The following AKAP6 variants were observed in gnomAD, a reference collection of about 807,000 sequenced individuals.
AKAP6 encodes the protein A-kinase anchor protein 6.
Under a neutral mutation model 188.5 loss-of-function variants are expected in AKAP6, and 58 were observed. The observed-to-expected ratio is 0.31, with a 90% confidence interval of 0.25 to 0.38. The LOEUF is 0.38. Among genes scored for constraint, AKAP6 ranks in the 10% least tolerant of loss-of-function variants. AKAP6 has a pLI of 1.00. For synonymous variants in AKAP6, 989 were observed against 998.6 expected, an observed-to-expected ratio of 0.99 and a Z score of 0.18; for missense variants, 2,710 against 2,740.0, an observed-to-expected ratio of 0.99 and a Z score of 0.24.
chr14:32,645,056 G>T (rs1887928789), intron 7 of AKAP6, among the ~76,000 whole-genome samples: 1 of 152,080 alleles, frequency 6.6e-6, no homozygotes, highest in South Asian at 2.1e-4. Flanking sequence ...TATAAAACAT[G>T]CATTAGTACA....
intron 7 of AKAP6, among the ~76,000 whole-genome samples, chr14:32,674,656 G>A (rs1889354243): frequency 1.3e-5 from 2 of 152,160 alleles, no homozygotes; most frequent in Admixed American, 6.5e-5. Context: ...GGGGGATGTG[G>A]TAAGGATGAG....
At chr14:32,529,093 C>T (rs1363861461) in intron 2 of AKAP6, among the ~76,000 whole-genome samples, 2 of 152,182 alleles carry the variant, frequency 1.3e-5, no homozygotes, top group Admixed American at 6.5e-5. Context: ...AATATTGAGT[C>T]TTCCTATCCA....
rs1425042157 is a variant in AKAP6, at chr14:32,836,202, AT to A, written c.*6398del. 6.6e-6 allele frequency: 1 copy of A among 152,084 alleles called. No homozygotes were observed. Among genetic ancestry groups the A allele is most frequent in the African/African-American group, 2.4e-5 (1 of 41,404 alleles). The allele number at this position is 152,084 out of a possible 1,614,324, so 9.4% of individuals were successfully genotyped here. ...CCAGACTGCTTGGACTGTGTTGTTT[AT>A]AAACAACAGAATTTACTGCTCAAAG... is the stretch of plus-strand genomic sequence containing the variant. On this transcript the variant is annotated 3_prime_UTR_variant, in exon 14 of 14. Coordinates refer to ENST00000280979, the MANE Select transcript of AKAP6 (RefSeq NM_004274.5).
At chr14:32,735,612 T>G (rs41285496) in intron 10 of AKAP6, 46 bp from the exon 11 acceptor site, 345 of 1,416,346 alleles carry the variant, frequency 2.4e-4, no homozygotes, top group Non-Finnish European at 2.9e-4. Context: ...TGGGGTTTTT[T>G]TTTGTTTGTT....
In AKAP6 at chr14:32,696,057, A is replaced by G. The variant is rs1020785727; in HGVS notation, c.2947A>G (p.Met983Val). ...DWLIDMESLV[M>V]DSHDLMMSEE... ...GCTGATTGACATGGAGTCCCTTGTG[A>G]TGGACAGCCACGACCTGATGATGTC... Residue 983 changes from methionine (M) to valine (V), a missense_variant, in exon 9 of 14, where the codon ATG becomes GTG. By Grantham distance (21) the Met-to-Val change is conservative (BLOSUM62 1). Coordinates refer to ENST00000280979, the MANE Select transcript of AKAP6 (RefSeq NM_004274.5). 4.3e-6 allele frequency: 7 copies of G among 1,612,944 alleles called. No individual in the cohort carries two copies. In the Admixed American group the frequency reaches 1.2e-4, roughly 27 times the overall value.
intron 1 of AKAP6, among the ~76,000 whole-genome samples, chr14:32,395,461 G>A (rs1384992271): frequency 6.6e-6 from 1 of 152,104 alleles, no homozygotes; most frequent in Non-Finnish European, 1.5e-5. Flanking sequence ...CCTCAGAAGA[G>A]GGCAGAATTA....
intron 1 of AKAP6, among the ~76,000 whole-genome samples, chr14:32,415,943 G>C (rs563232864): frequency 2.0e-5 from 3 of 152,264 alleles, no homozygotes; most frequent in Admixed American, 2.0e-4. Context: ...CCATTCATCT[G>C]TTGATGGATA....
intron 2 of AKAP6, among the ~76,000 whole-genome samples, chr14:32,476,069 G>A: frequency 6.6e-6 from 1 of 151,682 alleles, no homozygotes; most frequent in African/African-American, 2.4e-5. Context: ...TTATCTATTT[G>A]GTACCTTTAA....
chr14:32,799,703 G>A (rs955736042), intron 12 of AKAP6, among the ~76,000 whole-genome samples: 1 of 151,908 alleles, frequency 6.6e-6, no homozygotes, highest in Non-Finnish European at 1.5e-5. Context: ...TTTTAAATTT[G>A]TTAAGGTGTG....
intron 2 of AKAP6, among the ~76,000 whole-genome samples, chr14:32,460,524 A>G (rs1460046587): frequency 2.0e-5 from 3 of 152,224 alleles, no homozygotes; most frequent in African/African-American, 7.2e-5. Flanking sequence ...GCCTTGAGGG[A>G]CTGTGCTACC....
intron 2 of AKAP6, among the ~76,000 whole-genome samples, chr14:32,515,277 T>A (rs1289042787): frequency 6.6e-6 from 1 of 152,106 alleles, no homozygotes; most frequent in Non-Finnish European, 1.5e-5. Context: ...ACTGCCCCCA[T>A]GATTCAATGA....
chr14:32,600,194 G>A (rs558144611), intron 6 of AKAP6, among the ~76,000 whole-genome samples: 14 of 152,274 alleles, frequency 9.2e-5, no homozygotes, highest in Middle Eastern at 6.8e-3. Flanking sequence ...AAAGACTGCC[G>A]TCTTAATTCT....
Position 32,611,339 on chromosome 14 carries a change from A to G in AKAP6, c.2730+10547A>G, listed in dbSNP as rs372830352. Among the ~76,000 whole-genome samples the G allele has an allele frequency of 9.2e-5, 14 of 152,332 alleles. No individual in the cohort carries two copies. In the East Asian group the frequency reaches 2.3e-3, roughly 25 times the overall value. ...ATATCTAGGTGTGTAACCTGGGCAT[A>G]GATATTTTTGTAACCTCCCCAGGTG... On this transcript the variant is annotated intron_variant, in intron 7 of 13. Transcript: ENST00000280979.
intron 11 of AKAP6, among the ~76,000 whole-genome samples, chr14:32,764,571 T>C (rs1375174527): frequency 6.6e-6 from 1 of 152,194 alleles, no homozygotes; most frequent in Non-Finnish European, 1.5e-5. Flanking sequence ...TGAATCAGCT[T>C]TGGATTCAGG....
At chr14:32,596,631 C>T (rs1023445249) in intron 5 of AKAP6, among the ~76,000 whole-genome samples, 5 of 152,150 alleles carry the variant, frequency 3.3e-5, no homozygotes, top group South Asian at 2.1e-4. Flanking sequence ...GACCATGGTA[C>T]GTGCCTATGG....
At chr14:32,656,479 G>A (rs1275134874) in intron 7 of AKAP6, among the ~76,000 whole-genome samples, 1 of 152,118 alleles carries the variant, frequency 6.6e-6, no homozygotes, top group Non-Finnish European at 1.5e-5. Flanking sequence ...ACCTGGGAGT[G>A]CCAGCCAAAA....
Position 32,773,855 on chromosome 14 carries a change from T to C in AKAP6, c.3550T>C (p.Trp1184Arg). 6.2e-7 allele frequency: 1 copy of C among 1,614,118 alleles called. No individual in the cohort carries two copies. The highest frequency in any genetic ancestry group is 2.2e-5 in the East Asian group (1 of 44,872). ...WEAIVMQAVQ[W>R]QTRLQKKMGK... Reference sequence around the variant, plus strand: ...AGCCATTGTCATGCAAGCCGTCCAGTGGCAAACACGTCTACAAAAGAAGAT... The same window carrying C: ...AGCCATTGTCATGCAAGCCGTCCAGCGGCAAACACGTCTACAAAAGAAGAT... The change falls in exon 12 of 14, where the codon TGG becomes CGG. Residue 1184 changes from tryptophan to arginine, a missense_variant. By Grantham distance (101) the Trp-to-Arg change is moderately radical. This residue lies in a region of AKAP6 where 2,473 missense variants were observed against 2,426.1 expected (regional missense o/e 1.02). Coordinates refer to ENST00000280979, the MANE Select transcript of AKAP6 (RefSeq NM_004274.5).
chr14:32,746,757 G>T (rs1265368213), intron 11 of AKAP6, among the ~76,000 whole-genome samples: 1 of 152,148 alleles, frequency 6.6e-6, no homozygotes, highest in Non-Finnish European at 1.5e-5. Context: ...AACCGTTTCA[G>T]AATCTGCCCC....
intron 1 of AKAP6, among the ~76,000 whole-genome samples, chr14:32,395,488 A>G (rs2138596383): frequency 1.3e-5 from 2 of 152,244 alleles, no homozygotes; most frequent in East Asian, 3.9e-4. Flanking sequence ...TTTGGGGGAA[A>G]TCAAGCCAGG....
Sources: gnomAD v4.1 joint callset for allele counts (sites outside exome capture counted in the v4.1 genomes callset) on GRCh38, gnomAD v4.1.1 for gene constraint, gnomAD v4.1.1 regional missense constraint, MANE v1.5 for transcripts, NCBI Gene and HGNC (gene_info 2026-07-23, HGNC 2026-07-21) for gene names.